Variants in COLEC10 observed in about 807,000 individuals in gnomAD.
COLEC10 encodes collectin-10.
Under a neutral mutation model 28.4 loss-of-function variants are expected in COLEC10, and 22 were observed. The ratio of observed to expected loss-of-function variants is 0.78; its 90% CI spans 0.55 to 1.11. COLEC10 has a LOEUF of 1.11. COLEC10 is among the 50% of genes least tolerant of loss of function. The pLI is 0.00. For missense variants in COLEC10, 361 were observed against 344.1 expected, an observed-to-expected ratio of 1.05 and a Z score of -0.39; for synonymous variants, 125 against 116.1, an observed-to-expected ratio of 1.08 and a Z score of -0.49.
At chr8:119,076,336 A>G (rs2130245568) in intron 1 of COLEC10, among the ~76,000 whole-genome samples, 1 of 147,602 alleles carries the variant, frequency 6.8e-6, no homozygotes, top group South Asian at 2.1e-4. Flanking sequence ...ATCTCTGCTT[A>G]CTGCAACCTC....
intron 2 of COLEC10, among the ~76,000 whole-genome samples, chr8:119,019,460 G>T (rs1358572351): frequency 6.6e-6 from 1 of 152,098 alleles, no homozygotes; most frequent in Non-Finnish European, 1.5e-5. Flanking sequence ...GGAGTGGGTG[G>T]TTTCACCCAT....
intron 1 of COLEC10, among the ~76,000 whole-genome samples, chr8:119,082,437 A>G (rs1488786906): frequency 6.6e-6 from 1 of 152,204 alleles, no homozygotes; most frequent in Non-Finnish European, 1.5e-5. Flanking sequence ...ATTATTGAGC[A>G]ATCACCTATT....
At chr8:119,011,804 A>G (rs78500421) in intron 2 of COLEC10, among the ~76,000 whole-genome samples, 6,879 of 150,908 alleles carry the variant, frequency 0.046, 454 homozygotes, top group East Asian at 0.16. Context: ...CATTTACCTC[A>G]TATCCTTGCA....
In COLEC10 at chr8:118,997,421, T is replaced by C. The variant is rs528258533; in HGVS notation, n.122+1848T>C. Among the ~76,000 whole-genome samples, 9 of 152,346 alleles carry C rather than the reference T, an allele frequency of 5.9e-5. No individual in the cohort carries two copies. The East Asian group carries it at 1.7e-3, about 29-fold the overall frequency. On this transcript the variant is annotated intron_variant and non_coding_transcript_variant, in intron 1 of 6. Transcript: ENST00000521788. ...GAAGCTTTTCCCCTGTGTTTTTTCA[T>C]AGAAGTTCTAAAGTTTCATATCTTA...
chr8:119,038,333 T>C (rs1403814282), intron 2 of COLEC10, among the ~76,000 whole-genome samples: 1 of 152,246 alleles, frequency 6.6e-6, no homozygotes, highest in East Asian at 1.9e-4. Context: ...TTCCTTGCTT[T>C]AGCCCATTCC....
At chr8:119,040,843 G>A (rs1047736182) in intron 2 of COLEC10, among the ~76,000 whole-genome samples, 5 of 152,188 alleles carry the variant, frequency 3.3e-5, no homozygotes, top group African/African-American at 1.2e-4. Flanking sequence ...CAGGGTTAGT[G>A]TAGTGGGAAA....
intron 2 of COLEC10, among the ~76,000 whole-genome samples, chr8:119,049,478 A>G (rs1490897263): frequency 7.7e-6 from 1 of 130,098 alleles, no homozygotes; most frequent in Admixed American, 9.9e-5. Flanking sequence ...GCCGTGGCGC[A>G]ATCTGGGCTC....
At chr8:119,094,112 AT>A (rs1284340390) in intron 3 of COLEC10, among the ~76,000 whole-genome samples, 2 of 152,162 alleles carry the variant, frequency 1.3e-5, no homozygotes, top group East Asian at 3.9e-4. Flanking sequence ...ATGTAGCTCT[AT>A]CCAAAGCCAG....
intron 2 of COLEC10, among the ~76,000 whole-genome samples, chr8:119,029,987 T>C (rs935581189): frequency 6.6e-6 from 1 of 152,210 alleles, no homozygotes; most frequent in Non-Finnish European, 1.5e-5. Flanking sequence ...TTTGCAGGAA[T>C]AGGGATAGAG....
At chr8:119,004,741 A>G (rs1044152513) in intron 1 of COLEC10, among the ~76,000 whole-genome samples, 1 of 151,766 alleles carries the variant, frequency 6.6e-6, no homozygotes, top group Non-Finnish European at 1.5e-5. Context: ...AACTTGTAGT[A>G]GGTCACCCAA....
At chr8:118,983,149 G>A in the COLEC10 span, among the ~76,000 whole-genome samples, 1 of 152,158 alleles carries the variant, frequency 6.6e-6, no homozygotes, top group African/African-American at 2.4e-5. Flanking sequence ...CACAGAATTA[G>A]AGTGAGATCC....
intron 2 of COLEC10, among the ~76,000 whole-genome samples, chr8:119,025,997 C>T (rs1239228350): frequency 6.6e-6 from 1 of 152,140 alleles, no homozygotes; most frequent in East Asian, 1.9e-4. Context: ...TAGTTTTCTT[C>T]TATTTTATCT....
At chr8:119,010,006 T>C (rs993537961) in intron 2 of COLEC10, among the ~76,000 whole-genome samples, 2 of 150,846 alleles carry the variant, frequency 1.3e-5, no homozygotes, top group Admixed American at 6.6e-5. Context: ...TTTATGAACA[T>C]TGACACATCA....
At chr8:118,980,205 T>C in the COLEC10 span, among the ~76,000 whole-genome samples, 49 of 145,436 alleles carry the variant, frequency 3.4e-4, no homozygotes, top group African/African-American at 1.3e-3. Context: ...AAACATTCTT[T>C]TTTTTTTTTT....
chr8:118,954,092 A>C, the COLEC10 span, among the ~76,000 whole-genome samples: 353 of 152,356 alleles, frequency 2.3e-3, 1 homozygote, highest in Non-Finnish European at 3.6e-3. Flanking sequence ...GGCAGGAACT[A>C]CTTATTTTTC....
At chr8:119,039,026 C>T (rs138409360) in intron 2 of COLEC10, among the ~76,000 whole-genome samples, 485 of 152,210 alleles carry the variant, frequency 3.2e-3, no homozygotes, top group African/African-American at 0.011. Flanking sequence ...CCATCAAATT[C>T]TGTTTCTACA....
intron 3 of COLEC10, among the ~76,000 whole-genome samples, chr8:119,098,937 C>A (rs571078429): frequency 4.0e-4 from 61 of 152,150 alleles, no homozygotes; most frequent in Non-Finnish European, 1.0e-4. Context: ...ATTTTACTGA[C>A]TCAGATTAAT....
chr8:119,036,066 A>G (rs1872422), intron 2 of COLEC10, among the ~76,000 whole-genome samples: 1 of 151,830 alleles, frequency 6.6e-6, no homozygotes, highest in Non-Finnish European at 1.5e-5. Flanking sequence ...TTTATATTTA[A>G]TAAAATTAAT....
At chr8:119,008,801 G>A (rs10955921) in intron 1 of COLEC10, among the ~76,000 whole-genome samples, 6,869 of 150,846 alleles carry the variant, frequency 0.046, 442 homozygotes, top group East Asian at 0.16. Flanking sequence ...CTTTTGAGCC[G>A]CTGTTCCTCC....
Sources: gnomAD v4.1 joint callset for allele counts (sites outside exome capture counted in the v4.1 genomes callset) on GRCh38, gnomAD v4.1.1 for gene constraint, MANE v1.5 for transcripts, NCBI Gene and HGNC (gene_info 2026-07-23, HGNC 2026-07-21) for gene names.